The following LIN7A variants were observed in gnomAD, a reference collection of about 807,000 sequenced individuals.
LIN7A encodes protein lin-7 homolog A.
A neutral mutation model predicts 29.8 loss-of-function variants in LIN7A; 25 were observed. The ratio of observed to expected loss-of-function variants is 0.84; its 90% CI spans 0.61 to 1.17. The LOEUF is 1.17. Ranked by LOEUF, LIN7A falls within the 50% of genes most tolerant of loss-of-function variation. The probability of loss-of-function intolerance (pLI) is 0.00; values close to 1 mark genes in which losing one functional copy is unlikely to be tolerated. For synonymous variants in LIN7A, 118 were observed against 107.5 expected, an observed-to-expected ratio of 1.10 and a Z score of -0.60; for missense variants, 239 against 287.0, an observed-to-expected ratio of 0.83 and a Z score of 1.21.
At chr12:80,922,266 G>T (rs1192965580) in intron 1 of LIN7A, among the ~76,000 whole-genome samples, 2 of 152,140 alleles carry the variant, frequency 1.3e-5, no homozygotes, top group Non-Finnish European at 2.9e-5. Flanking sequence ...AATGATGTTG[G>T]ATAAGAACAG....
intron 5 of LIN7A, among the ~76,000 whole-genome samples, chr12:80,802,749 C>T (rs1870782362): frequency 6.6e-6 from 1 of 151,616 alleles, no homozygotes. Flanking sequence ...ATCCTCCTGC[C>T]TCACCCTCCT....
intron 5 of LIN7A, among the ~76,000 whole-genome samples, chr12:80,806,351 C>T (rs1395301971): frequency 6.6e-6 from 1 of 152,028 alleles, no homozygotes; most frequent in Non-Finnish European, 1.5e-5. Context: ...GTGTATCCTT[C>T]AATATTATCA....
intron 4 of LIN7A, among the ~76,000 whole-genome samples, chr12:80,824,413 A>G (rs1396597230): frequency 6.6e-6 from 1 of 152,194 alleles, no homozygotes; most frequent in Non-Finnish European, 1.5e-5. Flanking sequence ...GACCAGATGG[A>G]TTCACAGCTG....
intron 4 of LIN7A, among the ~76,000 whole-genome samples, chr12:80,843,988 A>G (rs1872943635): frequency 6.6e-6 from 1 of 151,596 alleles, no homozygotes; most frequent in Non-Finnish European, 1.5e-5. Context: ...ATATATATAT[A>G]TATTCTTACT....
chr12:80,795,526 A>G lies in LIN7A; in HGVS notation c.*2201T>C, dbSNP rs1286278805. 1 of 152,124 alleles carries G rather than the reference A, an allele frequency of 6.6e-6. No homozygotes were observed. Among genetic ancestry groups the G allele is most frequent in the African/African-American group, 2.4e-5 (1 of 41,456 alleles). 9.4% of individuals were successfully genotyped at this position (152,124 alleles called of 1,614,324 possible). A position where few individuals can be genotyped will look rare whatever the true frequency, so the allele number is the denominator to read the frequency against. On this transcript the variant is annotated 3_prime_UTR_variant, in exon 6 of 6. Transcript: ENST00000552864. ...TAGTTGTTTCTGTAACACTGTGACA[A>G]TATTTGTATTGATGTGAAACCATAT...
At chr12:80,828,849 G>A (rs897303875) in intron 4 of LIN7A, among the ~76,000 whole-genome samples, 7 of 151,952 alleles carry the variant, frequency 4.6e-5, no homozygotes, top group African/African-American at 1.7e-4. Flanking sequence ...AAAGAGAAAC[G>A]TTCAGATGCA....
intron 1 of LIN7A, among the ~76,000 whole-genome samples, chr12:80,911,180 T>C (rs1368936394): frequency 1.3e-5 from 2 of 151,912 alleles, no homozygotes; most frequent in African/African-American, 4.8e-5. Flanking sequence ...GACTCTATAA[T>C]CAAAATTCAA....
intron 4 of LIN7A, among the ~76,000 whole-genome samples, chr12:80,844,322 A>G (rs991601143): frequency 1.3e-5 from 2 of 152,206 alleles, no homozygotes; most frequent in East Asian, 1.9e-4. Flanking sequence ...GAAAATATTC[A>G]TGGGTTGAGA....
Position 80,806,742 on chromosome 12 carries a change from C to T in LIN7A, c.*4723G>A, listed in dbSNP as rs951267041. ...GTAAGAATTAGCAAGTGTGACAATC[C>T]CATTTAGTCCTTAAAAATCAAATTA... On this transcript the variant is annotated intron_variant, in intron 5 of 5. Coordinates refer to ENST00000552864, the MANE Select transcript of LIN7A (RefSeq NM_004664.4). Among the ~76,000 whole-genome samples the T allele has an allele frequency of 4.6e-5, 7 of 152,166 alleles. No homozygotes were observed. The East Asian group carries it at 1.2e-3, about 25-fold the overall frequency.
chr12:80,853,199 G>C (rs369311231), intron 2 of LIN7A, among the ~76,000 whole-genome samples: 1 of 152,102 alleles, frequency 6.6e-6, no homozygotes, highest in Non-Finnish European at 1.5e-5. Context: ...ATGTTATATA[G>C]AACTATGCTA....
intron 1 of LIN7A, among the ~76,000 whole-genome samples, chr12:80,911,349 A>G (rs1295680773): frequency 6.7e-6 from 1 of 149,554 alleles, no homozygotes; most frequent in African/African-American, 2.5e-5. Context: ...CTCCTAGGCT[A>G]AAGAGATCCT....
intron 1 of LIN7A, among the ~76,000 whole-genome samples, chr12:80,924,325 T>A (rs1337975822): frequency 6.6e-6 from 1 of 152,192 alleles, no homozygotes; most frequent in Non-Finnish European, 1.5e-5. Context: ...AGAACTGCAA[T>A]TCAAATCCAT....
chr12:80,916,004 G>T (rs1231096297), intron 1 of LIN7A, among the ~76,000 whole-genome samples: 77 of 152,126 alleles, frequency 5.1e-4, no homozygotes, highest in Non-Finnish European at 9.9e-4. Context: ...TAACAAACCT[G>T]CACATGTTCT....
At chr12:80,815,017 T>G (rs1431624496) in intron 4 of LIN7A, among the ~76,000 whole-genome samples, 3 of 152,336 alleles carry the variant, frequency 2.0e-5, no homozygotes, top group Non-Finnish European at 4.4e-5. Context: ...AGAAAGATAT[T>G]AAGAAATATA....
chr12:80,838,777 G>A (rs80023150), intron 4 of LIN7A, among the ~76,000 whole-genome samples: 1,669 of 152,276 alleles, frequency 0.011, 26 homozygotes, highest in African/African-American at 0.037. Flanking sequence ...GGATCTGTGT[G>A]CCAGGCCTAT....
Position 80,910,833 on chromosome 12 carries a change from T to C in LIN7A, c.83-21464A>G, listed in dbSNP as rs372064149. On this transcript the variant is annotated intron_variant, in intron 1 of 5. Coordinates refer to ENST00000552864, the MANE Select transcript of LIN7A (RefSeq NM_004664.4). ...CATTCATATCCATGAGAAATATTTA[T>C]CTTAGATTTATTTTCCTATATTGTG... is the stretch of plus-strand genomic sequence containing the variant. 2.0e-5 allele frequency among the ~76,000 whole-genome samples: 3 copies of C among 152,290 alleles called. No individual in the cohort carries two copies. The East Asian group carries it at 5.8e-4, about 29-fold the overall frequency.
At chr12:80,880,253 TA>T (rs1267662163) in intron 2 of LIN7A, among the ~76,000 whole-genome samples, 4 of 152,176 alleles carry the variant, frequency 2.6e-5, no homozygotes, top group South Asian at 2.1e-4. Context: ...ATTGAAAGAC[TA>T]GCCTCATTTT....
chr12:80,900,055 A>G (rs1218107427), intron 1 of LIN7A, among the ~76,000 whole-genome samples: 1 of 152,024 alleles, frequency 6.6e-6, no homozygotes, highest in Non-Finnish European at 1.5e-5. Context: ...TTGTGTGCAT[A>G]GAGCTGTTCA....
At chr12:80,803,124 C>G (rs921923469) in intron 5 of LIN7A, among the ~76,000 whole-genome samples, 2 of 152,136 alleles carry the variant, frequency 1.3e-5, no homozygotes, top group Admixed American at 6.6e-5. Flanking sequence ...TGTGAAGAAG[C>G]TGTTTAGTTG....
Sources: gnomAD v4.1 joint callset for allele counts (sites outside exome capture counted in the v4.1 genomes callset) on GRCh38, gnomAD v4.1.1 for gene constraint, MANE v1.5 for transcripts, NCBI Gene and HGNC (gene_info 2026-07-23, HGNC 2026-07-21) for gene names.